PRPF31: variants seen among roughly 807,000 people sequenced by gnomAD.
PRPF31 encodes the protein U4/U6 small nuclear ribonucleoprotein Prp31.
In PRPF31, 12 loss-of-function variants were observed where a neutral mutation model predicts 60.4. The ratio of observed to expected loss-of-function variants is 0.20; its 90% confidence interval spans 0.13 to 0.32. The LOEUF (loss-of-function observed/expected upper bound fraction) is 0.32. Ranked by LOEUF, PRPF31 falls within the 10% of genes least tolerant of loss-of-function variation. The pLI, the probability that PRPF31 is intolerant of heterozygous loss-of-function variation, is 1.00. For synonymous variants in PRPF31, 287 were observed against 287.9 expected, an observed-to-expected ratio of 1.00 and a Z score of 0.03; for missense variants, 431 against 687.1, an observed-to-expected ratio of 0.63 and a Z score of 4.17.
intron 8 of PRPF31, chr19:54,125,249 C>G (rs1219596624): frequency 6.2e-6 from 1 of 161,292 alleles, no homozygotes; most frequent in African/African-American, 2.4e-5. Flanking sequence ...CATCCCAGCA[C>G]TTTGGGAGGC....
intron 8 of PRPF31, chr19:54,124,921 G>A: frequency 1.7e-6 from 1 of 585,226 alleles, no homozygotes; most frequent in Non-Finnish European, 3.1e-6. Flanking sequence ...CCTGCTTCAT[G>A]AGTTGGGACG....
intron 9 of PRPF31, 76 bp from the exon 10 acceptor site, chr19:54,127,997 G>C: frequency 6.5e-7 from 1 of 1,542,094 alleles, no homozygotes; most frequent in Non-Finnish European, 8.8e-7. Context: ...GTGGATACTC[G>C]GGGGGCCCGC....
chr19:54,119,907 T>TTAA (rs1309448157), intron 3 of PRPF31: 1 of 152,094 alleles, frequency 6.6e-6, no homozygotes, highest in African/African-American at 2.4e-5. Context: ...CTTGCTTTCT[T>TTAA]TAACGTTTAC....
chr19:54,117,236 T>TG (rs377353247), intron 1 of PRPF31, among the ~76,000 whole-genome samples: 95 of 151,800 alleles, frequency 6.3e-4, no homozygotes, highest in African/African-American at 2.2e-3. Context: ...GCAGAGGAAG[T>TG]GGGGGGTGGT....
rs140603969 is a variant in PRPF31 at position 54,131,333 on chromosome 19, G to A, written c.1401G>A (p.Ala467=). The stretch of plus-strand genomic sequence containing the variant: ...GCCTGGAGATTGTGAACCCACAGGC[G>A]GCAGAGAAGAAGGTGGCTGAGGCCA... ...LQGLEIVNPQ[A]AEKKVAEANQ... Residue 467 remains alanine (A), a synonymous_variant, in exon 14 of 14, where the codon GCG becomes GCA. Coordinates refer to ENST00000321030, the MANE Select transcript of PRPF31 (RefSeq NM_015629.4). 2.5e-5 allele frequency: 40 copies of A among 1,613,868 alleles called. No individual in the cohort carries two copies. Among genetic ancestry groups the A allele is most frequent in the African/African-American group, 5.3e-5 (4 of 74,912 alleles).
chr19:54,128,507 C>CCG (rs1555794356), intron 11 of PRPF31, 130 bp downstream of exon 11: 1 of 946,672 alleles, frequency 1.1e-6, no homozygotes. Context: ...CAGCCTCCCC[C>CCG]CCCCCGGCCT....
intron 3 of PRPF31, chr19:54,118,837 T>G (rs1458106703): frequency 1.6e-6 from 1 of 612,232 alleles, no homozygotes; most frequent in Non-Finnish European, 2.9e-6. Context: ...CCTTCCTGTG[T>G]GCTGAGCTTA....
rs794727002 is a variant in PRPF31 at position 54,128,196 on chromosome 19, C to T, written c.1069C>T (p.Arg357Cys). The change falls in exon 10 of 14, where the codon CGC becomes TGC. Residue 357 changes from arginine to cysteine, a missense_variant. By Grantham distance (180) the Arg-to-Cys change is radical. This residue lies in a region of PRPF31 where 314 missense variants were observed against 475.3 expected (regional missense o/e 0.66). Transcript: ENST00000321030. ...TGGACAGCGGAAGAAGCGAGGCGGC[C>T]GCAGGTGAGGGGCCCTGGGGGTCCG... ...LDGQRKKRGG[R>C]RYRKMKERLG... is the part of the protein sequence containing the mutation. The T allele has an allele frequency of 3.8e-6, 6 of 1,570,866 alleles. No individual in the cohort carries two copies. Among genetic ancestry groups the T allele is most frequent in the Non-Finnish European group, 5.2e-6 (6 of 1,160,424 alleles).
intron 6 of PRPF31, 21 bp downstream of exon 6, chr19:54,123,581 G>A: frequency 1.2e-6 from 2 of 1,612,430 alleles, no homozygotes; most frequent in Non-Finnish European, 1.7e-6. Flanking sequence ...TTCGAGGGAG[G>A]CGCCGGGCCC....
chr19:54,126,703 C>T lies in PRPF31; in HGVS notation c.945+86C>T, dbSNP rs2073930887. ...GCAGGGAGACCCTCAGCAGGGAGCC[C>T]ACCCCAGCGAGCACTGTCCTACCAA... On this transcript the variant is annotated intron_variant, in intron 9 of 13. Transcript: ENST00000321030. 4.5e-6 allele frequency: 6 copies of T among 1,325,842 alleles called. No individual in the cohort carries two copies. In the Admixed American group the frequency reaches 7.8e-5, roughly 17 times the overall value. 82.1% of individuals were successfully genotyped at this position (1,325,842 alleles called of 1,614,324 possible).
rs185176829 is a variant in PRPF31, at chr19:54,126,253, C to T, written c.856-275C>T. On this transcript the variant is annotated intron_variant, in intron 8 of 13. Transcript: ENST00000321030. ...TCCAGGCCGAGTGCACTCCCCCCGG[C>T]GTCTCCACAGTCACCACCGTCCTCG... Among the ~76,000 whole-genome samples the T allele has an allele frequency of 1.3e-3, 195 of 152,318 alleles. 1 individual carries two copies. Among genetic ancestry groups the T allele is most frequent in the Middle Eastern group, 3.4e-3 (1 of 294 alleles).
intron 4 of PRPF31, 99 bp from the exon 5 acceptor site, chr19:54,122,398 C>A: frequency 1.1e-6 from 1 of 917,512 alleles, no homozygotes; most frequent in Non-Finnish European, 1.8e-6. Context: ...CAAGCCAGGG[C>A]TTCAGTTACT....
At chr19:54,120,741 G>A (rs2073765219) in intron 3 of PRPF31, among the ~76,000 whole-genome samples, 1 of 152,124 alleles carries the variant, frequency 6.6e-6, no homozygotes, top group Non-Finnish European at 1.5e-5. Context: ...CCAGGCAGCT[G>A]GGACCACAGG....
At position 54,123,683 on chromosome 19, in the gene PRPF31, A is replaced by AGGGCTG. The variant is rs1243074020; in HGVS notation, c.528-57_528-52dup. 223 of 1,591,688 alleles carry AGGGCTG rather than the reference A, an allele frequency of 1.4e-4. No individual in the cohort carries two copies. In the African/African-American group the frequency reaches 2.5e-3, roughly 18 times the overall value. ...ATGCACACACACACACAGAACCGAG[A>AGGGCTG]GGGCTGGGGCTGGGCACACCAGGCA... On this transcript the variant is annotated intron_variant, in intron 6 of 13. Transcript: ENST00000321030.
chr19:54,128,022 G>A (rs765457751), intron 9 of PRPF31, 51 bp from the exon 10 acceptor site: 72 of 1,547,862 alleles, frequency 4.7e-5, no homozygotes, highest in Admixed American at 2.4e-4. Flanking sequence ...AGGAGGCCTG[G>A]GTGGGCAGCC....
chr19:54,124,974 C>G, intron 8 of PRPF31: 2 of 515,514 alleles, frequency 3.9e-6, no homozygotes, highest in Non-Finnish European at 7.1e-6. Flanking sequence ...AGGCCTAGCT[C>G]ACGACAAGCA....
Position 54,123,853 on chromosome 19 carries a change from G to T in PRPF31, c.632G>T (p.Arg211Leu). 1 of 1,613,920 alleles carries T rather than the reference G, an allele frequency of 6.2e-7. No individual in the cohort carries two copies. The highest frequency in any genetic ancestry group is 8.5e-7 in the Non-Finnish European group (1 of 1,180,014). ...CGCATCTACGAGTATGTGGAGTCCC[G>T]GATGTCCTTCATCGCACCCAACCTG... ...KHRIYEYVESRMSFIAPNLSI... is the reference protein window; with the variant it reads ...KHRIYEYVESLMSFIAPNLSI... Residue 211 changes from arginine (R) to leucine (L), a missense_variant, in exon 7 of 14, where the codon CGG becomes CTG. Coordinates refer to ENST00000321030, the MANE Select transcript of PRPF31 (RefSeq NM_015629.4).
intron 8 of PRPF31, among the ~76,000 whole-genome samples, chr19:54,126,199 C>A (rs762885508): frequency 1.3e-5 from 2 of 152,184 alleles, no homozygotes; most frequent in Non-Finnish European, 2.9e-5. Flanking sequence ...TGAGATGATC[C>A]GAGGGGCGTG....
chr19:54,128,422 CGCCACCGCCCTCTGCCTCCT>C (rs1568598332), intron 11 of PRPF31, 45 bp downstream of exon 11: 2 of 1,519,244 alleles, frequency 1.3e-6, no homozygotes, highest in Non-Finnish European at 1.8e-6. Flanking sequence ...GCCAGCCAGC[CGCCACCGCCCTCTGCCTCCT>C]GCCACCGCCC....
Sources: allele counts gnomAD v4.1 joint callset (sites outside exome capture counted in the v4.1 genomes callset), GRCh38; gene constraint gnomAD v4.1.1; regional missense constraint gnomAD v4.1.1; transcripts MANE v1.5; gene names NCBI Gene and HGNC (gene_info 2026-07-23, HGNC 2026-07-21).